Variants in ZC3H13 observed in about 807,000 individuals in gnomAD.
The protein encoded by ZC3H13 is zinc finger CCCH-type containing 13.
Under a neutral mutation model 204.1 loss-of-function variants are expected in ZC3H13, and 64 were observed. The observed-to-expected ratio is 0.31, with a 90% CI of 0.26 to 0.39. ZC3H13 has a LOEUF of 0.39. ZC3H13 is among the 10% of genes least tolerant of loss of function. ZC3H13 has a pLI of 1.00. For synonymous variants in ZC3H13, 667 were observed against 693.7 expected (o/e 0.96, Z 0.60); for missense variants, 1,833 against 2,082.7 (o/e 0.88, Z 2.33).
In ZC3H13 at chr13:45,969,213, T is replaced by A. The variant is rs752022416; in HGVS notation, c.3331A>T (p.Thr1111Ser). ...LPPPPPVATA[T>S]ATTVPATLAA... ...AGAGTTGCAGGCACAGTTGTAGCAGTGGCAGTAGCCACAGGCGGTGGAGGA... is the reference window on the plus strand; with the variant it reads ...AGAGTTGCAGGCACAGTTGTAGCAGAGGCAGTAGCCACAGGCGGTGGAGGA... The change falls in exon 14 of 19, where the codon ACT (threonine) becomes TCT (serine). Residue 1111 changes from threonine to serine, a missense_variant. Around this residue, in one of 5 missense-constraint regions of ZC3H13, gnomAD observed 1,574 missense variants for 1,757.2 expected, o/e 0.90. Transcript: ENST00000679008. 1.5e-5 allele frequency: 25 copies of A among 1,613,698 alleles called. No homozygotes were observed. In the African/African-American group the frequency reaches 2.3e-4, roughly 15 times the overall value.
At chr13:46,029,831 A>C (rs1477444134) in intron 4 of ZC3H13, among the ~76,000 whole-genome samples, 1 of 152,220 alleles carries the variant, frequency 6.6e-6, no homozygotes, top group Non-Finnish European at 1.5e-5. Flanking sequence ...TCTCTCATGA[A>C]TAATAGCAAA....
intron 5 of ZC3H13, 53 bp downstream of exon 5, chr13:46,020,396 T>C (rs2042153103): frequency 7.1e-6 from 10 of 1,412,556 alleles, no homozygotes; most frequent in Middle Eastern, 1.8e-4. Context: ...ACGAAAACTC[T>C]AGAAAGTAAA....
intron 7 of ZC3H13, among the ~76,000 whole-genome samples, chr13:46,009,034 A>G (rs1480186441): frequency 2.0e-5 from 3 of 152,202 alleles, no homozygotes; most frequent in Admixed American, 1.3e-4. Context: ...GTTATAAAAC[A>G]TAAGTCACAG....
chr13:46,018,438 T>C (rs968297964), intron 5 of ZC3H13, among the ~76,000 whole-genome samples: 3 of 151,994 alleles, frequency 2.0e-5, no homozygotes, highest in South Asian at 2.1e-4. Context: ...GTTAAAGATA[T>C]AGAAGAGAGT....
At chr13:46,003,461 C>T (rs2040897840) in intron 7 of ZC3H13, 125 bp from the exon 8 acceptor site, 3 of 786,382 alleles carry the variant, frequency 3.8e-6, no homozygotes, top group Non-Finnish European at 5.8e-6. Context: ...ATACTACTAA[C>T]CAATATCAAG....
At position 46,052,745 on chromosome 13, in the gene ZC3H13, T is replaced by G; in HGVS notation, c.-351A>C. On this transcript the variant is annotated 5_prime_UTR_variant, in exon 1 of 19. Transcript: ENST00000679008. ...CAAAATGCCGCCGGAAGTCAGAGGT[T>G]TGCCCTGTTCCTCTGTAGACCCAGG... The G allele has an allele frequency of 2.5e-6, 1 of 396,948 alleles. No individual in the cohort carries two copies. The allele number at this position is 396,948 out of a possible 1,614,324, so 24.6% of individuals were successfully genotyped here. A position where few individuals can be genotyped will look rare whatever the true frequency, so the allele number is the denominator to read the frequency against.
Position 45,957,260 on chromosome 13 carries a change from A to G in ZC3H13, c.4877T>C (p.Val1626Ala), listed in dbSNP as rs1038312506. ...IKQAYTSAPM[V>A]DNELLRLSLR... ...ACTCAATCGAAGTAATTCATTGTCTACCATTGGAGCACTCGTGTAAGCTTG... is the reference window on the plus strand; with the variant it reads ...ACTCAATCGAAGTAATTCATTGTCTGCCATTGGAGCACTCGTGTAAGCTTG... Residue 1626 changes from valine (V) to alanine (A), a missense_variant, in exon 19 of 19, where the codon GTA (valine) becomes GCA (alanine). This residue lies in a region of ZC3H13 where 211 missense variants were observed against 228.4 expected (regional missense o/e 0.92). Transcript: ENST00000679008. 9 of 1,547,144 alleles carry G rather than the reference A, an allele frequency of 5.8e-6. No individual in the cohort carries two copies. Among genetic ancestry groups the G allele is most frequent in the African/African-American group, 1.4e-5 (1 of 73,134 alleles).
chr13:45,970,837 A>C (rs1160266111), intron 12 of ZC3H13, among the ~76,000 whole-genome samples: 2 of 152,244 alleles, frequency 1.3e-5, no homozygotes. Flanking sequence ...AAAATGCCTT[A>C]TGCTGCAGAG....
At chr13:46,048,917 TCAAGAGATTGAGACCATCCTGGC>T (rs2044197619) in intron 1 of ZC3H13, among the ~76,000 whole-genome samples, 1 of 151,588 alleles carries the variant, frequency 6.6e-6, no homozygotes, top group Admixed American at 6.6e-5. Context: ...GATCACGAGG[TCAAGAGATTGAGACCATCCTGGC>T]CAACAGATCG....
rs1333164510 is a variant in ZC3H13 at position 45,955,354 on chromosome 13, GTGAC to G, written c.*1769_*1772del. 6.6e-6 allele frequency: 1 copy of G among 152,178 alleles called. No individual in the cohort carries two copies. Among genetic ancestry groups the G allele is most frequent in the East Asian group, 1.9e-4 (1 of 5,202 alleles). 9.4% of individuals were successfully genotyped at this position (152,178 alleles called of 1,614,324 possible). A position where few individuals can be genotyped will look rare whatever the true frequency, so the allele number is the denominator to read the frequency against. On this transcript the variant is annotated 3_prime_UTR_variant, in exon 19 of 19. Transcript: ENST00000679008. ...CTGGAAACATAAAGCTCTGAATGCTGTGACTGAGTGAACAAAGGAATAGTTCTAA... is the reference window on the plus strand; with the variant it reads ...CTGGAAACATAAAGCTCTGAATGCTGTGAGTGAACAAAGGAATAGTTCTAA...
chr13:46,007,935 C>T (rs2041267443), intron 7 of ZC3H13, among the ~76,000 whole-genome samples: 2 of 151,966 alleles, frequency 1.3e-5, no homozygotes. Context: ...TGCAGATGGA[C>T]AGAATAGGTA....
intron 9 of ZC3H13, among the ~76,000 whole-genome samples, chr13:45,987,504 A>C (rs528376758): frequency 1.1e-3 from 160 of 152,022 alleles, no homozygotes; most frequent in Non-Finnish European, 1.6e-3. Flanking sequence ...TTTCATAAAC[A>C]CTGCTGTGCT....
intron 3 of ZC3H13, 106 bp from the exon 4 acceptor site, chr13:46,042,381 T>A: frequency 1.4e-6 from 1 of 695,186 alleles, no homozygotes; most frequent in South Asian, 2.8e-5. Context: ...AGAAATAACC[T>A]CACAAATCTC....
intron 8 of ZC3H13, among the ~76,000 whole-genome samples, chr13:45,997,833 AAAAC>A (rs2040448899): frequency 6.6e-6 from 1 of 152,122 alleles, no homozygotes; most frequent in African/African-American, 2.4e-5. Context: ...GAAGGAAAAA[AAAAC>A]AAACCCAAAG....
chr13:45,971,919 C>G (rs1240467866), intron 12 of ZC3H13, among the ~76,000 whole-genome samples: 1 of 152,042 alleles, frequency 6.6e-6, no homozygotes, highest in South Asian at 2.1e-4. Context: ...AATCACTAAT[C>G]ATCAGGGAAA....
intron 12 of ZC3H13, among the ~76,000 whole-genome samples, chr13:45,971,601 G>A (rs139640409): frequency 1.3e-3 from 199 of 152,206 alleles, no homozygotes; most frequent in African/African-American, 4.5e-3. Flanking sequence ...CACTGGCCTA[G>A]GCAAAGACTT....
At chr13:46,000,452 C>T (rs949391896) in intron 8 of ZC3H13, among the ~76,000 whole-genome samples, 5 of 152,184 alleles carry the variant, frequency 3.3e-5, no homozygotes, top group Non-Finnish European at 5.9e-5. Context: ...TGGCTTCATT[C>T]GTTAAATGTC....
chr13:45,957,562 G>A (rs1419059540), intron 18 of ZC3H13, among the ~76,000 whole-genome samples: 2 of 152,032 alleles, frequency 1.3e-5, no homozygotes, highest in East Asian at 1.9e-4. Context: ...GTAATCAACC[G>A]GTTTTTACTT....
intron 4 of ZC3H13, among the ~76,000 whole-genome samples, chr13:46,032,977 T>C (rs1204236624): frequency 1.3e-5 from 2 of 150,330 alleles, no homozygotes; most frequent in Admixed American, 1.3e-4. Flanking sequence ...TGCATATATA[T>C]GTAAATATTA....
Sources: allele counts gnomAD v4.1 joint callset (sites outside exome capture counted in the v4.1 genomes callset), GRCh38; gene constraint gnomAD v4.1.1; regional missense constraint gnomAD v4.1.1; transcripts MANE v1.5; gene names NCBI Gene and HGNC (gene_info 2026-07-23, HGNC 2026-07-21).